USP48: variants seen among roughly 807,000 people sequenced by gnomAD.
The protein encoded by USP48 is ubiquitin carboxyl-terminal hydrolase 48.
USP48 carries 43 observed loss-of-function variants against 150.7 expected under a neutral mutation model. The ratio of observed to expected loss-of-function variants is 0.29; its 90% CI spans 0.22 to 0.37. The LOEUF is 0.37. USP48 is among the 10% of genes least tolerant of loss of function. USP48 has a pLI of 1.00. For synonymous variants in USP48, 396 were observed against 425.9 expected (o/e 0.93, Z 0.86); for missense variants, 813 against 1,249.6 (o/e 0.65, Z 5.27).
chr1:21,706,282 T>G, intron 17 of USP48, 95 bp from the exon 18 acceptor site: 2 of 1,519,410 alleles, frequency 1.3e-6, no homozygotes, highest in Non-Finnish European at 1.8e-6. Flanking sequence ...TATTCAAGTT[T>G]TATAAATAAA....
chr1:21,692,772 A>G (rs58160338), intron 23 of USP48, among the ~76,000 whole-genome samples: 6,309 of 152,180 alleles, frequency 0.041, 470 homozygotes, highest in African/African-American at 0.14. Context: ...GCACAGGGGG[A>G]CAGTCAGTTC....
At chr1:21,680,714 T>C (rs1425699465) in intron 26 of USP48, 94 bp downstream of exon 26, 1 of 1,235,492 alleles carries the variant, frequency 8.1e-7, no homozygotes, top group Admixed American at 2.5e-5. Flanking sequence ...TCAGATTGGA[T>C]TAAAATTTAA....
intron 25 of USP48, among the ~76,000 whole-genome samples, chr1:21,682,248 G>A (rs2097567991): frequency 6.6e-6 from 1 of 152,090 alleles, no homozygotes; most frequent in South Asian, 2.1e-4. Context: ...TGCGGGCACT[G>A]CTCTATTATC....
intron 14 of USP48, 74 bp from the exon 15 acceptor site, chr1:21,715,531 C>T: frequency 1.1e-6 from 1 of 905,864 alleles, no homozygotes; most frequent in East Asian, 2.6e-5. Flanking sequence ...AGATATACTA[C>T]TCTGCACAAT....
chr1:21,734,895 T>C (rs886407685), intron 9 of USP48, among the ~76,000 whole-genome samples: 1 of 152,202 alleles, frequency 6.6e-6, no homozygotes, highest in African/African-American at 2.4e-5. Context: ...AATGGGTACT[T>C]AGGCCCAAGA....
At chr1:21,714,485 A>T (rs1387664168) in intron 15 of USP48, among the ~76,000 whole-genome samples, 14 of 152,098 alleles carry the variant, frequency 9.2e-5, no homozygotes, top group Non-Finnish European at 1.8e-4. Context: ...CTGGTCTCAA[A>T]ATCATGGGCT....
At chr1:21,700,608 T>C (rs1194950214) in intron 22 of USP48, among the ~76,000 whole-genome samples, 1 of 152,196 alleles carries the variant, frequency 6.6e-6, no homozygotes, top group Non-Finnish European at 1.5e-5. Flanking sequence ...TACACTATTT[T>C]AGTAGTAAAG....
chr1:21,752,321 GAC>G (rs2097818335), intron 5 of USP48, among the ~76,000 whole-genome samples: 1 of 152,156 alleles, frequency 6.6e-6, no homozygotes, highest in Non-Finnish European at 1.5e-5. Flanking sequence ...AGCTCACCCA[GAC>G]ACCGTTCCTA....
At chr1:21,730,786 C>G (rs1244657644) in intron 9 of USP48, among the ~76,000 whole-genome samples, 1 of 147,532 alleles carries the variant, frequency 6.8e-6, no homozygotes, top group Non-Finnish European at 1.5e-5. Context: ...TTTTTTGAGA[C>G]AGTCTTGCTC....
chr1:21,695,401 TAAAAG>T (rs1187726341), intron 22 of USP48, among the ~76,000 whole-genome samples, 180 bp from the exon 23 acceptor site: 2 of 152,138 alleles, frequency 1.3e-5, no homozygotes, highest in Non-Finnish European at 2.9e-5. Context: ...ATAAAATTGA[TAAAAG>T]AAAATAATGA....
In USP48 at chr1:21,703,617, T is replaced by A. The variant is rs2097663664; in HGVS notation, c.2517A>T (p.Lys839Asn). ...AGCCTTCTCTGCATTCTGGACAGAG[T>A]TCTTTGGGGGAAAAAAAAAAAGGGA... is the stretch of plus-strand genomic sequence containing the variant. ...PSETQYISEP[K>N]LCPECREGLL... Residue 839 changes from lysine to asparagine, a missense_variant and splice_region_variant, in exon 21 of 27, where the codon AAA becomes AAT. Transcript: ENST00000308271. 5 of 1,593,248 alleles carry A rather than the reference T, an allele frequency of 3.1e-6. No individual in the cohort carries two copies. The South Asian group carries it at 5.7e-5, about 18-fold the overall frequency.
At chr1:21,716,557 G>GA (rs1189859169) in intron 14 of USP48, among the ~76,000 whole-genome samples, 1 of 152,190 alleles carries the variant, frequency 6.6e-6, no homozygotes, top group East Asian at 1.9e-4. Context: ...CTGAAATCAT[G>GA]AAAAGCAAAA....
chr1:21,762,127 C>T lies in USP48; in HGVS notation c.135-4344G>A, dbSNP rs1407817588. Among the ~76,000 whole-genome samples, 15 of 152,106 alleles carry T rather than the reference C, an allele frequency of 9.9e-5. 1 individual carries two copies. Among genetic ancestry groups the T allele is most frequent in the Admixed American group, 7.2e-4 (11 of 15,272 alleles). On this transcript the variant is annotated intron_variant, in intron 1 of 26. Coordinates refer to ENST00000308271, the MANE Select transcript of USP48 (RefSeq NM_032236.8). Reference sequence around the variant, plus strand: ...ACTAAAAATACAAAAATGTGCCAAGCGTGGTGGCGTGTGCCTATAATCCCA... The same window carrying T: ...ACTAAAAATACAAAAATGTGCCAAGTGTGGTGGCGTGTGCCTATAATCCCA...
intron 1 of USP48, among the ~76,000 whole-genome samples, chr1:21,769,818 C>T (rs962964087): frequency 6.6e-6 from 1 of 152,146 alleles, no homozygotes; most frequent in South Asian, 2.1e-4. Context: ...GAGGCCAAGG[C>T]TGCAGTGAAC....
chr1:21,721,226 T>A, intron 13 of USP48, 60 bp from the exon 14 acceptor site: 1 of 1,584,676 alleles, frequency 6.3e-7, no homozygotes, highest in Non-Finnish European at 8.6e-7. Flanking sequence ...TGTCCTCCCT[T>A]CTTTGCCTGT....
Position 21,733,238 on chromosome 1 carries a change from A to G in USP48, c.1171+3208T>C, listed in dbSNP as rs333182. 4.7e-3 allele frequency among the ~76,000 whole-genome samples: 712 copies of G among 152,304 alleles called. 4 individuals carry two copies. Among genetic ancestry groups the G allele is most frequent in the African/African-American group, 0.016 (667 of 41,570 alleles). ...TGAAACCAGCCTGGCCAACATGGTG[A>G]AACCCCGTCTCTACTAAAAATACAA... On this transcript the variant is annotated intron_variant, in intron 9 of 26. Coordinates refer to ENST00000308271, the MANE Select transcript of USP48 (RefSeq NM_032236.8).
At chr1:21,748,591 T>G (rs968853224) in intron 6 of USP48, among the ~76,000 whole-genome samples, 2 of 152,264 alleles carry the variant, frequency 1.3e-5, no homozygotes, top group Admixed American at 6.5e-5. Flanking sequence ...AAATGTCACA[T>G]GTATTTTGAT....
At chr1:21,758,282 AT>A (rs201812805) in intron 1 of USP48, among the ~76,000 whole-genome samples, 2,342 of 152,004 alleles carry the variant, frequency 0.015, 26 homozygotes, top group Middle Eastern at 0.034. Context: ...AGGACACATT[AT>A]TAAGTAAAAA....
chr1:21,715,131 A>ATG, intron 15 of USP48: 1 of 393,452 alleles, frequency 2.5e-6, no homozygotes, highest in Non-Finnish European at 4.7e-6. Flanking sequence ...TACGAGCACT[A>ATG]TTCTCAAAGT....
Sources: gnomAD v4.1 joint callset for allele counts (sites outside exome capture counted in the v4.1 genomes callset) on GRCh38, gnomAD v4.1.1 for gene constraint, MANE v1.5 for transcripts, NCBI Gene and HGNC (gene_info 2026-07-23, HGNC 2026-07-21) for gene names.